The following HAVCR1 variants were observed in gnomAD, a reference collection of about 807,000 sequenced individuals.
The protein encoded by HAVCR1 is T cell immunoglobin domain and mucin domain protein 1.
HAVCR1 carries 34 observed loss-of-function variants against 32.0 expected under a neutral mutation model. The observed-to-expected ratio is 1.06, with a 90% CI of 0.81 to 1.42. The LOEUF (loss-of-function observed/expected upper bound fraction) is 1.42, where lower values mean the gene tolerates loss of function less well. HAVCR1 is among the 40% of genes most tolerant of loss of function. The pLI is 0.00. For missense variants in HAVCR1, 420 were observed against 442.3 expected (o/e 0.95, Z 0.45); for synonymous variants, 178 against 170.3 (o/e 1.05, Z -0.35).
upstream of HAVCR1, among the ~76,000 whole-genome samples, chr5:157,059,830 G>C (rs1040882392): frequency 6.6e-6 from 1 of 150,562 alleles, no homozygotes; most frequent in African/African-American, 2.4e-5. Context: ...CAAAAAAAAC[G>C]AACAAAAAAT....
chr5:157,031,794 C>CAAAAAAAAAA (rs57821791), intron 8 of HAVCR1, among the ~76,000 whole-genome samples: 1 of 106,570 alleles, frequency 9.4e-6, no homozygotes, highest in African/African-American at 3.7e-5. Flanking sequence ...CTGGGTGTCT[C>CAAAAAAAAAA]AAAAAAAAAA....
At chr5:157,061,283 CA>C (rs1346875589), upstream of HAVCR1, among the ~76,000 whole-genome samples, 12 of 152,004 alleles carry the variant, frequency 7.9e-5, no homozygotes, top group Non-Finnish European at 1.0e-4. Context: ...GAGATGGCAC[CA>C]CTGCACTCAA....
intron 2 of HAVCR1, among the ~76,000 whole-genome samples, chr5:157,057,399 G>GAAAGAAAGAAAT (rs1561605997): frequency 2.4e-4 from 7 of 29,622 alleles, no homozygotes; most frequent in African/African-American, 7.3e-4. Flanking sequence ...AAGAAAGAAA[G>GAAAGAAAGAAAT]AAAGAAAGAA....
rs775401352 is a variant in HAVCR1, at chr5:157,057,882, G to A, written c.46+16C>T. ...CTCTACTCCCTTCTTCCCGCCCAGG[G>A]CACCTACTCACTTACCTGCCAGATG... On this transcript the variant is annotated intron_variant, in intron 2 of 8. Coordinates refer to ENST00000523175, the MANE Select transcript of HAVCR1 (RefSeq NM_001173393.3). 6.2e-7 allele frequency: 1 copy of A among 1,606,078 alleles called. No individual in the cohort carries two copies. Among genetic ancestry groups the A allele is most frequent in the Non-Finnish European group, 8.5e-7 (1 of 1,172,926 alleles).
chr5:157,049,169 T>C (rs554329381), intron 4 of HAVCR1, 24 bp from the exon 5 acceptor site: 6 of 1,402,256 alleles, frequency 4.3e-6, no homozygotes, highest in Middle Eastern at 1.8e-4. Context: ...AATGGAAGAA[T>C]TGTTCCATTT....
chr5:157,041,924 T>A (rs1754921354), intron 6 of HAVCR1, among the ~76,000 whole-genome samples: 1 of 152,068 alleles, frequency 6.6e-6, no homozygotes, highest in Non-Finnish European at 1.5e-5. Flanking sequence ...CCAGGCGTGG[T>A]GGCGTGCGCC....
upstream of HAVCR1, among the ~76,000 whole-genome samples, chr5:157,063,409 C>T (rs1028028868): frequency 1.3e-5 from 2 of 151,700 alleles, no homozygotes; most frequent in African/African-American, 4.8e-5. Flanking sequence ...CCTCAGCCTC[C>T]CAAGAAGCTG....
chr5:157,038,443 A>G (rs1754672659), intron 6 of HAVCR1, among the ~76,000 whole-genome samples: 1 of 152,248 alleles, frequency 6.6e-6, no homozygotes, highest in Non-Finnish European at 1.5e-5. Flanking sequence ...CCCTGGAGTC[A>G]GAATCCCAGG....
At chr5:157,057,776 G>A (rs955828878) in intron 2 of HAVCR1, 122 bp downstream of exon 2, 8 of 742,886 alleles carry the variant, frequency 1.1e-5, no homozygotes, top group African/African-American at 5.1e-5. Context: ...GCCATACAAC[G>A]GTACCCAAAG....
At chr5:157,055,925 T>C (rs1023956664) in intron 2 of HAVCR1, among the ~76,000 whole-genome samples, 1 of 151,866 alleles carries the variant, frequency 6.6e-6, no homozygotes, top group Admixed American at 6.6e-5. Context: ...TTTAAAAAAA[T>C]ATTTTATTCA....
chr5:157,061,479 G>A (rs892990815), upstream of HAVCR1, among the ~76,000 whole-genome samples: 3 of 152,132 alleles, frequency 2.0e-5, no homozygotes, highest in Non-Finnish European at 4.4e-5. Context: ...AGGCCGAGGT[G>A]GGAGGATCAC....
chr5:157,062,266 G>C (rs555657141), upstream of HAVCR1, among the ~76,000 whole-genome samples: 11 of 152,140 alleles, frequency 7.2e-5, no homozygotes, highest in Non-Finnish European at 1.3e-4. Flanking sequence ...CCAGCTACTT[G>C]GGAGGCTGAG....
chr5:157,047,204 AGTCCTTCCC>A (rs1581707547), intron 5 of HAVCR1, among the ~76,000 whole-genome samples: 1 of 152,064 alleles, frequency 6.6e-6, no homozygotes, highest in East Asian at 1.9e-4. Context: ...TCCCAGAGAG[AGTCCTTCCC>A]TGTGCCCCTG....
At chr5:157,068,083 C>T in the HAVCR1 span, among the ~76,000 whole-genome samples, 9 of 150,994 alleles carry the variant, frequency 6.0e-5, no homozygotes, top group Non-Finnish European at 1.2e-4. Flanking sequence ...ACCAGCCTGG[C>T]CAACATGGTG....
chr5:157,036,356 G>C (rs1754532320), intron 7 of HAVCR1, among the ~76,000 whole-genome samples: 1 of 152,150 alleles, frequency 6.6e-6, no homozygotes, highest in African/African-American at 2.4e-5. Context: ...GCGGGCGCCT[G>C]TAGTCCCAGC....
At chr5:157,067,710 C>A in the HAVCR1 span, among the ~76,000 whole-genome samples, 3 of 151,910 alleles carry the variant, frequency 2.0e-5, no homozygotes, top group Non-Finnish European at 4.4e-5. Flanking sequence ...TTTTTTGAGA[C>A]AAAGTTTCAC....
intron 8 of HAVCR1, 148 bp downstream of exon 8, chr5:157,032,706 G>A (rs1754247629): frequency 1.6e-6 from 1 of 634,524 alleles, no homozygotes. Context: ...AATATCACTG[G>A]AAGGTGTAAA....
At chr5:157,050,730 T>A (rs1228139239) in intron 4 of HAVCR1, among the ~76,000 whole-genome samples, 2 of 152,172 alleles carry the variant, frequency 1.3e-5, no homozygotes, top group Non-Finnish European at 2.9e-5. Context: ...GAAATCAACA[T>A]TGAGAAAGTC....
At chr5:157,066,366 T>C in the HAVCR1 span, among the ~76,000 whole-genome samples, 5 of 151,922 alleles carry the variant, frequency 3.3e-5, no homozygotes, top group Admixed American at 2.6e-4. Flanking sequence ...AGAAAAGCAG[T>C]TGGACTTGAG....
Sources: gnomAD v4.1 joint callset for allele counts (sites outside exome capture counted in the v4.1 genomes callset) on GRCh38, gnomAD v4.1.1 for gene constraint, MANE v1.5 for transcripts, NCBI Gene and HGNC (gene_info 2026-07-23, HGNC 2026-07-21) for gene names.